SPMAP2L: variants seen among roughly 807,000 people sequenced by gnomAD.
SPMAP2L encodes sperm microtubule associated protein 2-like.
the SPMAP2L span, chr4:56,584,370 G>A: frequency 7.9e-6 from 5 of 635,234 alleles, no homozygotes; most frequent in Non-Finnish European, 1.3e-5. Context: ...GCATGACTGT[G>A]GGATAGATGT....
the SPMAP2L span, among the ~76,000 whole-genome samples, chr4:56,567,646 T>A: frequency 1.3e-5 from 2 of 152,080 alleles, no homozygotes; most frequent in East Asian, 3.9e-4. Flanking sequence ...TTGCATATCT[T>A]AAAATTCTTT....
chr4:56,581,997 A>G, the SPMAP2L span, among the ~76,000 whole-genome samples: 45 of 152,342 alleles, frequency 3.0e-4, no homozygotes, highest in East Asian at 6.0e-3. Flanking sequence ...TGACGCCCAC[A>G]TCATACATGA....
chr4:56,536,871 C>T, the SPMAP2L span, among the ~76,000 whole-genome samples: 2 of 152,246 alleles, frequency 1.3e-5, no homozygotes, highest in East Asian at 1.9e-4. Flanking sequence ...TCAAGCGATT[C>T]TCCTGTCTCA....
the SPMAP2L span, among the ~76,000 whole-genome samples, chr4:56,582,235 G>A: frequency 6.6e-6 from 1 of 151,950 alleles, no homozygotes; most frequent in South Asian, 2.1e-4. Flanking sequence ...ATGCATTAAA[G>A]GACACTACCA....
the SPMAP2L span, chr4:56,594,279 T>G: frequency 6.4e-7 from 1 of 1,566,654 alleles, no homozygotes; most frequent in African/African-American, 1.4e-5. Flanking sequence ...ATGAAGAAAC[T>G]GGAAAATAAA....
At chr4:56,594,508 G>C in the SPMAP2L span, 11,948 of 1,607,362 alleles carry the variant, frequency 7.4e-3, 530 homozygotes, top group African/African-American at 0.11. Context: ...AGCCAAACAG[G>C]GGAGCCCAGG....
chr4:56,581,574 G>C, the SPMAP2L span, among the ~76,000 whole-genome samples: 2 of 151,580 alleles, frequency 1.3e-5, no homozygotes, highest in South Asian at 4.2e-4. Context: ...GAGATGTGAT[G>C]GTGCCACTGC....
the SPMAP2L span, among the ~76,000 whole-genome samples, chr4:56,618,394 G>A: frequency 2.6e-5 from 4 of 152,186 alleles, no homozygotes; most frequent in Non-Finnish European, 5.9e-5. Flanking sequence ...TATTTCTCAC[G>A]CTGCTAATGA....
chr4:56,597,851 G>T, the SPMAP2L span, among the ~76,000 whole-genome samples: 16 of 151,562 alleles, frequency 1.1e-4, no homozygotes, highest in Non-Finnish European at 2.1e-4. Context: ...TCTTTTGTTT[G>T]TTTTTTTTGT....
chr4:56,606,231 A>G, the SPMAP2L span, among the ~76,000 whole-genome samples: 2 of 152,324 alleles, frequency 1.3e-5, no homozygotes, highest in Admixed American at 6.5e-5. Context: ...TAGTGGGAAC[A>G]TATGTTAAGT....
chr4:56,557,024 A>AC, the SPMAP2L span, among the ~76,000 whole-genome samples: 1 of 151,622 alleles, frequency 6.6e-6, no homozygotes, highest in African/African-American at 2.4e-5. Flanking sequence ...CAAGGCGGGT[A>AC]GATCACTTGA....
the SPMAP2L span, among the ~76,000 whole-genome samples, chr4:56,604,722 A>G: frequency 1.3e-5 from 2 of 152,186 alleles, no homozygotes; most frequent in Non-Finnish European, 2.9e-5. Context: ...AAGCAGCACA[A>G]TTCACAATTG....
At chr4:56,582,406 T>C in the SPMAP2L span, among the ~76,000 whole-genome samples, 4 of 152,086 alleles carry the variant, frequency 2.6e-5, no homozygotes, top group African/African-American at 7.2e-5. Flanking sequence ...AAATAGATGT[T>C]TACCCCAAAA....
chr4:56,601,622 T>C, the SPMAP2L span, among the ~76,000 whole-genome samples: 1 of 151,442 alleles, frequency 6.6e-6, no homozygotes, highest in Non-Finnish European at 1.5e-5. Context: ...ATTAGCCAGG[T>C]GTGGTGGCAT....
the SPMAP2L span, chr4:56,552,602 G>A: frequency 8.2e-5 from 125 of 1,520,298 alleles, 2 homozygotes; most frequent in South Asian, 1.4e-3. Flanking sequence ...AAGCAATGGG[G>A]AACTCCAGAC....
chr4:56,595,124 G>A, the SPMAP2L span: 1 of 1,611,452 alleles, frequency 6.2e-7, no homozygotes, highest in Non-Finnish European at 8.5e-7. Context: ...ATGATGGGAG[G>A]CAAGGGCCTT....
the SPMAP2L span, among the ~76,000 whole-genome samples, chr4:56,585,093 A>G: frequency 1.3e-5 from 2 of 152,162 alleles, no homozygotes; most frequent in Admixed American, 6.5e-5. Context: ...CCCCAGCTTC[A>G]TTGGAATCTG....
At chr4:56,544,627 T>A in the SPMAP2L span, among the ~76,000 whole-genome samples, 15 of 152,190 alleles carry the variant, frequency 9.9e-5, 1 homozygote, top group Non-Finnish European at 1.2e-4. Context: ...TTTTTTTTTT[T>A]AAATTTCAAC....
At chr4:56,560,039 G>A in the SPMAP2L span, among the ~76,000 whole-genome samples, 13 of 152,146 alleles carry the variant, frequency 8.5e-5, no homozygotes, top group Admixed American at 1.3e-4. Flanking sequence ...TTGCAGACTT[G>A]TAATATCTTA....
Sources: gnomAD v4.1 joint callset for allele counts (sites outside exome capture counted in the v4.1 genomes callset) on GRCh38, gnomAD v4.1.1 for gene constraint, MANE v1.5 for transcripts, NCBI Gene and HGNC (gene_info 2026-07-23, HGNC 2026-07-21) for gene names.